RARB: variants seen among roughly 807,000 people sequenced by gnomAD.
RARB encodes retinoic acid receptor beta, also known as HBV-activated protein.
In RARB, 17 loss-of-function variants were observed where a neutral mutation model predicts 51.9. The ratio of observed to expected loss-of-function variants is 0.33; its 90% CI spans 0.22 to 0.49. RARB has a LOEUF of 0.49. Ranked by LOEUF, RARB falls within the 20% of genes least tolerant of loss-of-function variation. The pLI is 0.99. For missense variants in RARB, 369 were observed against 550.8 expected (o/e 0.67, Z 3.30); for synonymous variants, 215 against 195.4 (o/e 1.10, Z -0.84).
At chr3:25,194,498 C>A (rs1701183503) in intron 5 of RARB, among the ~76,000 whole-genome samples, 1 of 150,084 alleles carries the variant, frequency 6.7e-6, no homozygotes, top group African/African-American at 2.4e-5. Context: ...TATATACACA[C>A]ACATAGTGAT....
chr3:24,971,649 G>C (rs770333446), intron 2 of RARB, among the ~76,000 whole-genome samples: 2 of 152,032 alleles, frequency 1.3e-5, no homozygotes, highest in African/African-American at 2.4e-5. Flanking sequence ...GCTTTAAAAA[G>C]GACTGACAAA....
intron 2 of RARB, among the ~76,000 whole-genome samples, chr3:25,491,821 A>T (rs1033941437): frequency 2.0e-5 from 3 of 152,194 alleles, no homozygotes; most frequent in African/African-American, 7.2e-5. Flanking sequence ...GGTGCCTGTG[A>T]TCCTAGCTAC....
At chr3:24,889,053 T>G (rs566919486) in intron 2 of RARB, among the ~76,000 whole-genome samples, 1 of 152,304 alleles carries the variant, frequency 6.6e-6, no homozygotes. Context: ...AGATGGGACG[T>G]TCTGCTGAGG....
chr3:24,945,193 C>A (rs554814068), intron 2 of RARB, among the ~76,000 whole-genome samples: 1 of 152,014 alleles, frequency 6.6e-6, no homozygotes. Flanking sequence ...GGCCATAGTG[C>A]GCTTTAGACA....
Position 25,420,481 on chromosome 3 carries a change from G to A in RARB, c.179-40712G>A, listed in dbSNP as rs561444604. 2.6e-5 allele frequency among the ~76,000 whole-genome samples: 4 copies of A among 152,280 alleles called. No individual in the cohort carries two copies. The South Asian group carries it at 8.3e-4, about 32-fold the overall frequency. On this transcript the variant is annotated intron_variant, in intron 5 of 11. Transcript: ENST00000383772. ...AAGGGGCTCTCTCCAGCCACAACCT[G>A]ATTTATCAAACCTGTTTAACTGAAA...
rs552422247 is a variant in RARB, at chr3:24,910,447, ATAGAG to A, written c.-380+51698_-380+51702del. Reference sequence around the variant, plus strand: ...AATTGGATGACATGTTTTGATAAATATAGAGTAAATATATGAGCTTTGTAATTTTT... The same window carrying A: ...AATTGGATGACATGTTTTGATAAATATAAATATATGAGCTTTGTAATTTTT... On this transcript the variant is annotated intron_variant, in intron 2 of 11. Transcript: ENST00000383772. Among the ~76,000 whole-genome samples the A allele has an allele frequency of 1.6e-3, 250 of 152,370 alleles. 1 individual carries two copies. The highest frequency in any genetic ancestry group is 5.0e-3 in the African/African-American group (210 of 41,598).
intron 5 of RARB, among the ~76,000 whole-genome samples, chr3:25,334,540 GA>G (rs1705004961): frequency 6.6e-6 from 1 of 152,046 alleles, no homozygotes; most frequent in African/African-American, 2.4e-5. Context: ...GGGGTGGAGG[GA>G]GCGGGGAAGG....
At chr3:25,267,577 T>C (rs559188087) in intron 5 of RARB, among the ~76,000 whole-genome samples, 1 of 152,338 alleles carries the variant, frequency 6.6e-6, no homozygotes, top group South Asian at 2.1e-4. Flanking sequence ...CTTTCTGGCT[T>C]GAGAGTGGTG....
At chr3:25,380,650 G>A (rs558519886) in intron 5 of RARB, among the ~76,000 whole-genome samples, 116 of 152,264 alleles carry the variant, frequency 7.6e-4, no homozygotes, top group African/African-American at 2.5e-3. Flanking sequence ...AAATCAAATG[G>A]CGTTTCCTGT....
chr3:25,223,517 T>G (rs183783695), intron 5 of RARB, among the ~76,000 whole-genome samples: 1 of 152,308 alleles, frequency 6.6e-6, no homozygotes, highest in East Asian at 1.9e-4. Context: ...ATGACAAGCT[T>G]GAAAGCTGAG....
At chr3:25,168,662 A>G (rs1406281802) in intron 4 of RARB, among the ~76,000 whole-genome samples, 2 of 152,236 alleles carry the variant, frequency 1.3e-5, no homozygotes, top group African/African-American at 4.8e-5. Flanking sequence ...AAATCAATAG[A>G]ATAATTGGAA....
At chr3:25,010,302 T>C (rs7650520) in intron 2 of RARB, among the ~76,000 whole-genome samples, 93,653 of 152,002 alleles carry the variant, frequency 0.62, 31,061 homozygotes, top group African/African-American at 0.87. Context: ...TTTAAACTAG[T>C]ACAAATTATA....
At chr3:25,532,643 C>T (rs527739377) in intron 3 of RARB, among the ~76,000 whole-genome samples, 5 of 152,182 alleles carry the variant, frequency 3.3e-5, no homozygotes, top group Non-Finnish European at 5.9e-5. Flanking sequence ...ATTTGGTTAG[C>T]AAATGGCCTC....
chr3:25,466,737 T>C (rs951813998), intron 2 of RARB, among the ~76,000 whole-genome samples: 1 of 152,168 alleles, frequency 6.6e-6, no homozygotes, highest in Non-Finnish European at 1.5e-5. Flanking sequence ...ACATAGTAAA[T>C]ATTTTAGGCT....
chr3:25,142,163 C>T (rs974891239), intron 4 of RARB, among the ~76,000 whole-genome samples: 5 of 152,124 alleles, frequency 3.3e-5, no homozygotes, highest in Admixed American at 6.5e-5. Flanking sequence ...GAAACCCCGT[C>T]TCTACTAAAA....
chr3:25,188,097 T>G (rs558437841), intron 5 of RARB, among the ~76,000 whole-genome samples: 145 of 152,240 alleles, frequency 9.5e-4, no homozygotes, highest in Non-Finnish European at 1.8e-3. Flanking sequence ...ACAATATTCT[T>G]ACATTTTTAA....
chr3:25,127,571 C>T (rs1370452217), intron 3 of RARB, among the ~76,000 whole-genome samples: 1 of 152,022 alleles, frequency 6.6e-6, no homozygotes, highest in Non-Finnish European at 1.5e-5. Flanking sequence ...TTTCTGGCTT[C>T]CCACTACCAC....
At chr3:25,317,454 CA>C (rs1419520871) in intron 5 of RARB, among the ~76,000 whole-genome samples, 1 of 152,136 alleles carries the variant, frequency 6.6e-6, no homozygotes, top group East Asian at 1.9e-4. Context: ...TCTTGAACAG[CA>C]AAGACTTCAT....
intron 4 of RARB, among the ~76,000 whole-genome samples, chr3:25,151,153 A>G (rs2125341506): frequency 6.6e-6 from 1 of 152,336 alleles, no homozygotes; most frequent in East Asian, 1.9e-4. Context: ...CATTTGGCAG[A>G]CACTAAATGC....
Sources: allele counts gnomAD v4.1 joint callset (sites outside exome capture counted in the v4.1 genomes callset), GRCh38; gene constraint gnomAD v4.1.1; transcripts MANE v1.5; gene names NCBI Gene and HGNC (gene_info 2026-07-23, HGNC 2026-07-21).